TRHDE: variants seen among roughly 807,000 people sequenced by gnomAD.
The protein encoded by TRHDE is thyrotropin releasing hormone degrading enzyme.
In TRHDE, 72 loss-of-function variants were observed where a neutral mutation model predicts 125.7. The ratio of observed to expected loss-of-function variants is 0.57; its 90% CI spans 0.47 to 0.70. The LOEUF is 0.70. TRHDE is among the 30% of genes least tolerant of loss of function. The probability of loss-of-function intolerance (pLI) is 0.00; values close to 1 mark genes in which losing one functional copy is unlikely to be tolerated. For missense variants in TRHDE, 1,110 were observed against 1,327.1 expected, an observed-to-expected ratio of 0.84 and a Z score of 2.54; for synonymous variants, 509 against 509.1, an observed-to-expected ratio of 1.00 and a Z score of 0.00.
intron 6 of TRHDE, among the ~76,000 whole-genome samples, chr12:72,502,167 C>T (rs1444155512): frequency 2.6e-5 from 4 of 151,936 alleles, no homozygotes; most frequent in Non-Finnish European, 5.9e-5. Flanking sequence ...TAGATATGCT[C>T]TCTAATCAAT....
chr12:72,100,854 T>C (rs1309738606), intron 1 of TRHDE, among the ~76,000 whole-genome samples: 5 of 152,168 alleles, frequency 3.3e-5, no homozygotes, highest in South Asian at 2.1e-4. Flanking sequence ...AATCTGAAAA[T>C]TGATGAAAGC....
chr12:72,415,520 C>T (rs994217562), intron 3 of TRHDE, among the ~76,000 whole-genome samples: 1 of 151,790 alleles, frequency 6.6e-6, no homozygotes, highest in African/African-American at 2.4e-5. Context: ...TCTCCTCTTC[C>T]TCCTTTCTGC....
At chr12:72,224,138 CTATTTATCTATGTATGTATG>C (rs1197384960) in intron 2 of TRHDE, among the ~76,000 whole-genome samples, 1,717 of 52,860 alleles carry the variant, frequency 0.032, 20 homozygotes, top group South Asian at 0.044. Flanking sequence ...ATCTATCTAT[CTATTTATCTATGTATGTATG>C]TATGTATGTA....
In TRHDE at chr12:72,313,076, A is replaced by AT. The variant is rs879532727; in HGVS notation, c.1188+26128dup. Among the ~76,000 whole-genome samples, 9 of 152,200 alleles carry AT rather than the reference A, an allele frequency of 5.9e-5. No homozygotes were observed. The South Asian group carries it at 1.5e-3, about 25-fold the overall frequency. On this transcript the variant is annotated intron_variant, in intron 2 of 18. Transcript: ENST00000261180. The stretch of plus-strand genomic sequence containing the variant: ...ATTTGGTTAGAATATAAACATTAAA[A>AT]TTTTTTATAGTTATTAGGTTTATGA...
At position 72,447,562 on chromosome 12, in the gene TRHDE, C is replaced by T. The variant is rs115413495; in HGVS notation, c.1316-22196C>T. On this transcript the variant is annotated intron_variant, in intron 3 of 18. Coordinates refer to ENST00000261180, the MANE Select transcript of TRHDE (RefSeq NM_013381.3). ...TCTTAACCAAAAGCATTAGCAACTA[C>T]GGAATCAAGCAATCTGTTTTATGAA... Among the ~76,000 whole-genome samples the T allele has an allele frequency of 1.1e-3, 172 of 152,136 alleles. 1 individual carries two copies. Among genetic ancestry groups the T allele is most frequent in the African/African-American group, 4.0e-3 (166 of 41,536 alleles).
rs1592511616 is a variant in TRHDE, at chr12:72,273,756, G to C, written c.914+199G>C. The C allele has an allele frequency of 1.8e-6, 1 of 561,254 alleles. No homozygotes were observed. The highest frequency in any genetic ancestry group is 3.2e-6 in the Non-Finnish European group (1 of 316,110). 34.8% of individuals were successfully genotyped at this position (561,254 alleles called of 1,614,324 possible). On this transcript the variant is annotated intron_variant, in intron 1 of 18. Coordinates refer to ENST00000261180, the MANE Select transcript of TRHDE (RefSeq NM_013381.3). The surrounding 1 kb of genome is among the most constrained non-coding windows in gnomAD (Gnocchi z 5.3). Reference sequence around the variant, plus strand: ...TCGGGGTCTCGCTGCCGCCAACTTCGCAAACTGACTCACCGGTGCCAAAAG... The same window carrying C: ...TCGGGGTCTCGCTGCCGCCAACTTCCCAAACTGACTCACCGGTGCCAAAAG...
intron 6 of TRHDE, among the ~76,000 whole-genome samples, chr12:72,521,434 T>C (rs1205001871): frequency 1.3e-5 from 2 of 152,142 alleles, no homozygotes; most frequent in Non-Finnish European, 2.9e-5. Context: ...GAGATGAGCA[T>C]GGTGTAGAGG....
At chr12:72,271,971 G>A (rs2139403270), upstream of TRHDE, 1 of 456,732 alleles carries the variant, frequency 2.2e-6, no homozygotes, top group South Asian at 1.5e-5. Flanking sequence ...GGTGGAGAAG[G>A]CTTTTCCAGG....
chr12:72,445,737 C>G (rs563284765), intron 3 of TRHDE, among the ~76,000 whole-genome samples: 1 of 152,014 alleles, frequency 6.6e-6, no homozygotes, highest in Non-Finnish European at 1.5e-5. Context: ...CCAAGTATGG[C>G]ACATGGATAG....
At chr12:72,115,797 A>G (rs999633698) in intron 2 of TRHDE, among the ~76,000 whole-genome samples, 7 of 152,134 alleles carry the variant, frequency 4.6e-5, no homozygotes, top group Non-Finnish European at 7.4e-5. Flanking sequence ...CTGATAATCA[A>G]TGATGTTGAA....
chr12:72,660,176 A>G (rs1387189144), intron 18 of TRHDE, among the ~76,000 whole-genome samples: 1 of 152,190 alleles, frequency 6.6e-6, no homozygotes, highest in Non-Finnish European at 1.5e-5. Flanking sequence ...TCTTCTACGC[A>G]CTTATAAGAA....
At chr12:72,162,791 T>C (rs1249012030) in intron 2 of TRHDE, among the ~76,000 whole-genome samples, 1 of 152,180 alleles carries the variant, frequency 6.6e-6, no homozygotes, top group Non-Finnish European at 1.5e-5. Flanking sequence ...ATTACTTAAA[T>C]TATCACTTCT....
At chr12:72,624,615 C>T (rs1873183351) in intron 15 of TRHDE, among the ~76,000 whole-genome samples, 1 of 151,698 alleles carries the variant, frequency 6.6e-6, no homozygotes. Flanking sequence ...CAATGAATAG[C>T]TAGAGATGGT....
chr12:72,226,456 A>T (rs1878129697), intron 2 of TRHDE, among the ~76,000 whole-genome samples: 1 of 152,196 alleles, frequency 6.6e-6, no homozygotes, highest in African/African-American at 2.4e-5. Flanking sequence ...TATTTTGGGG[A>T]AACTCTTTAA....
chr12:72,645,365 C>T (rs937154150), intron 15 of TRHDE, among the ~76,000 whole-genome samples: 2 of 151,924 alleles, frequency 1.3e-5, no homozygotes, highest in African/African-American at 4.8e-5. Context: ...AGATCAGACT[C>T]GTGAAGATGG....
chr12:72,309,400 T>C (rs1868434622), intron 2 of TRHDE, among the ~76,000 whole-genome samples: 1 of 152,020 alleles, frequency 6.6e-6, no homozygotes, highest in Non-Finnish European at 1.5e-5. Context: ...GAAAGGGAGA[T>C]TTTGAAACTA....
At chr12:72,108,913 T>C (rs1244786275) in intron 2 of TRHDE, among the ~76,000 whole-genome samples, 2 of 152,028 alleles carry the variant, frequency 1.3e-5, no homozygotes, top group Non-Finnish European at 1.5e-5. Flanking sequence ...GAAGCATTTG[T>C]GTTATAGGTC....
At chr12:72,428,487 T>C (rs574898293) in intron 3 of TRHDE, among the ~76,000 whole-genome samples, 8 of 152,280 alleles carry the variant, frequency 5.3e-5, no homozygotes, top group African/African-American at 1.9e-4. Flanking sequence ...ATTCTGTCTT[T>C]GAATGACAAA....
intron 2 of TRHDE, among the ~76,000 whole-genome samples, chr12:72,236,501 G>T (rs55716402): frequency 0.28 from 41,956 of 150,328 alleles, 6,236 homozygotes; most frequent in African/African-American, 0.35. Context: ...AAGCCAGATA[G>T]TCCTTTCTCC....
Sources: gnomAD v4.1 joint callset for allele counts (sites outside exome capture counted in the v4.1 genomes callset) on GRCh38, gnomAD v4.1.1 for gene constraint, Gnocchi (gnomAD v3.1) non-coding constraint, MANE v1.5 for transcripts, NCBI Gene and HGNC (gene_info 2026-07-23, HGNC 2026-07-21) for gene names.